Variants in CFAP299 observed in about 807,000 individuals in gnomAD.
CFAP299 encodes the protein cilia- and flagella-associated protein 299.
A neutral mutation model predicts 27.0 loss-of-function variants in CFAP299; 21 were observed. That is an observed-to-expected ratio of 0.78 (90% CI 0.55 to 1.12). The LOEUF (loss-of-function observed/expected upper bound fraction) is 1.12. CFAP299 is among the 50% of genes most tolerant of loss of function. The probability of loss-of-function intolerance (pLI) is 0.00; values close to 1 mark genes in which losing one functional copy is unlikely to be tolerated. For missense variants in CFAP299, 310 were observed against 276.6 expected (o/e 1.12, Z -0.86); for synonymous variants, 104 against 98.1 (o/e 1.06, Z -0.36).
chr4:80,543,506 C>T (rs1280578739), intron 2 of CFAP299, among the ~76,000 whole-genome samples: 1 of 152,128 alleles, frequency 6.6e-6, no homozygotes, highest in African/African-American at 2.4e-5. Flanking sequence ...TAAGAAAGAA[C>T]CAAACTGAAG....
chr4:80,957,524 G>A (rs1578267889), intron 5 of CFAP299, among the ~76,000 whole-genome samples: 1 of 152,064 alleles, frequency 6.6e-6, no homozygotes, highest in Admixed American at 6.6e-5. Context: ...ACTGATTCCA[G>A]AGAATTCAAA....
intron 2 of CFAP299, among the ~76,000 whole-genome samples, chr4:80,478,109 A>G (rs1050389082): frequency 2.6e-5 from 4 of 152,298 alleles, no homozygotes; most frequent in Middle Eastern, 3.4e-3. Context: ...CTCATATATT[A>G]TTTAAGTTTA....
intron 2 of CFAP299, among the ~76,000 whole-genome samples, chr4:80,395,535 A>C (rs1449388224): frequency 6.6e-6 from 1 of 152,124 alleles, no homozygotes; most frequent in East Asian, 1.9e-4. Flanking sequence ...TATTTGAGGT[A>C]CATTTCTTCT....
intron 4 of CFAP299, among the ~76,000 whole-genome samples, chr4:80,881,038 C>T (rs1733676357): frequency 6.6e-6 from 1 of 152,138 alleles, no homozygotes; most frequent in African/African-American, 2.4e-5. Flanking sequence ...AAGAGAATTC[C>T]CTCACAGCCA....
chr4:80,334,183 C>T (rs1309489125), upstream of CFAP299, among the ~76,000 whole-genome samples: 1 of 152,038 alleles, frequency 6.6e-6, no homozygotes, highest in East Asian at 1.9e-4. Context: ...AGATGTTGAC[C>T]AAATGGCAAA....
At chr4:80,851,245 C>CA (rs1297645890) in intron 3 of CFAP299, among the ~76,000 whole-genome samples, 1 of 152,044 alleles carries the variant, frequency 6.6e-6, no homozygotes. Flanking sequence ...AGTAATGAAG[C>CA]CTAAGAAATG....
At chr4:80,878,618 TTC>T (rs1310541917) in intron 4 of CFAP299, among the ~76,000 whole-genome samples, 3 of 152,128 alleles carry the variant, frequency 2.0e-5, no homozygotes, top group Admixed American at 6.5e-5. Context: ...CTACTTGTTT[TTC>T]TGTTTTTTTC....
intron 3 of CFAP299, among the ~76,000 whole-genome samples, chr4:80,852,981 C>T (rs1408592423): frequency 6.6e-6 from 1 of 151,948 alleles, no homozygotes; most frequent in Non-Finnish European, 1.5e-5. Context: ...CTTTATGGCC[C>T]CTGCAAACTA....
intron 2 of CFAP299, among the ~76,000 whole-genome samples, chr4:80,478,605 A>C (rs1041947617): frequency 7.2e-5 from 11 of 152,130 alleles, no homozygotes; most frequent in African/African-American, 2.7e-4. Flanking sequence ...ATAATTTTTC[A>C]GTTCTAATAA....
chr4:80,620,866 ATG>A (rs1304776689), intron 3 of CFAP299, among the ~76,000 whole-genome samples: 1 of 152,146 alleles, frequency 6.6e-6, no homozygotes, highest in East Asian at 1.9e-4. Flanking sequence ...GAGAGAAATA[ATG>A]TGTGCCTTTT....
intron 1 of CFAP299, among the ~76,000 whole-genome samples, chr4:80,348,300 A>G (rs188404233): frequency 6.6e-6 from 1 of 152,352 alleles, no homozygotes; most frequent in Admixed American, 6.5e-5. Flanking sequence ...GACAAATGGG[A>G]TCTCATTAAA....
chr4:80,872,568 T>G (rs1733155531), intron 4 of CFAP299: 1 of 152,122 alleles, frequency 6.6e-6, no homozygotes, highest in African/African-American at 2.4e-5. Context: ...TCAGAGTAGT[T>G]GTATCATTTT....
At chr4:80,512,221 A>AGTGTGT (rs3037370) in intron 2 of CFAP299, among the ~76,000 whole-genome samples, 3,697 of 148,540 alleles carry the variant, frequency 0.025, 78 homozygotes, top group African/African-American at 0.062. Flanking sequence ...CATATTACAT[A>AGTGTGT]GTGTGTGTGT....
intron 3 of CFAP299, among the ~76,000 whole-genome samples, chr4:80,723,497 A>C (rs548451640): frequency 4.6e-5 from 7 of 152,258 alleles, no homozygotes; most frequent in African/African-American, 1.7e-4. Context: ...TATTTCAATA[A>C]TATAAAATTC....
At chr4:80,885,079 C>T (rs928598311) in intron 4 of CFAP299, among the ~76,000 whole-genome samples, 16 of 152,250 alleles carry the variant, frequency 1.1e-4, no homozygotes, top group Admixed American at 5.2e-4. Context: ...GGTGACTTTA[C>T]ATTGAACTCA....
At chr4:80,940,767 C>A (rs1289735589) in intron 4 of CFAP299, among the ~76,000 whole-genome samples, 1 of 152,048 alleles carries the variant, frequency 6.6e-6, no homozygotes, top group Non-Finnish European at 1.5e-5. Context: ...TCTCTCTGTC[C>A]TAAAAAATTA....
intron 2 of CFAP299, among the ~76,000 whole-genome samples, chr4:80,556,504 T>C (rs1474142886): frequency 6.6e-6 from 1 of 152,002 alleles, no homozygotes; most frequent in Non-Finnish European, 1.5e-5. Context: ...AACACATCTA[T>C]AAATATAACC....
intron 2 of CFAP299, among the ~76,000 whole-genome samples, chr4:80,396,661 G>A (rs550544696): frequency 6.6e-6 from 1 of 152,214 alleles, no homozygotes; most frequent in Admixed American, 6.5e-5. Flanking sequence ...CTTTGGTTCT[G>A]TTTATATGCT....
chr4:80,795,145 C>T (rs1727782800), intron 3 of CFAP299, among the ~76,000 whole-genome samples: 1 of 152,158 alleles, frequency 6.6e-6, no homozygotes, highest in Non-Finnish European at 1.5e-5. Flanking sequence ...TTGGTGAGCA[C>T]TCACATGGGA....
Sources: gnomAD v4.1 joint callset for allele counts (sites outside exome capture counted in the v4.1 genomes callset) on GRCh38, gnomAD v4.1.1 for gene constraint, MANE v1.5 for transcripts, NCBI Gene and HGNC (gene_info 2026-07-23, HGNC 2026-07-21) for gene names.